RGS6: variants seen among roughly 807,000 people sequenced by gnomAD.
RGS6 encodes regulator of G protein signaling 6, also known as regulator of G-protein signaling 6.
A neutral mutation model predicts 78.5 loss-of-function variants in RGS6; 30 were observed. That is an observed-to-expected ratio of 0.38 (90% CI 0.29 to 0.52). RGS6 has a LOEUF of 0.52. RGS6 is among the 20% of genes least tolerant of loss of function. RGS6 has a pLI of 0.85. For synonymous variants in RGS6, 206 were observed against 206.0 expected (o/e 1.00, Z 0.00); for missense variants, 495 against 609.7 (o/e 0.81, Z 1.98).
At chr14:71,996,036 A>C (rs1391024098) in intron 2 of RGS6, among the ~76,000 whole-genome samples, 1 of 152,008 alleles carries the variant, frequency 6.6e-6, no homozygotes. Flanking sequence ...TCACCGGGGG[A>C]TCCCTCTAAT....
intron 1 of RGS6, among the ~76,000 whole-genome samples, chr14:71,933,857 TGA>T (rs1380480366): frequency 6.6e-6 from 1 of 151,580 alleles, no homozygotes; most frequent in Non-Finnish European, 1.5e-5. Context: ...CCAGGGAGGG[TGA>T]GAGATGGAAG....
chr14:72,223,766 C>T (rs1417650336), intron 2 of RGS6, among the ~76,000 whole-genome samples: 1 of 152,182 alleles, frequency 6.6e-6, no homozygotes, highest in Non-Finnish European at 1.5e-5. Flanking sequence ...AAGAAAGGTT[C>T]CATTCGGTCA....
intron 3 of RGS6, among the ~76,000 whole-genome samples, chr14:72,413,514 C>G (rs1479633629): frequency 6.6e-6 from 1 of 151,986 alleles, no homozygotes; most frequent in Non-Finnish European, 1.5e-5. Context: ...GGTCTTGACT[C>G]TATCCAATTT....
intron 17 of RGS6, chr14:72,552,779 C>T (rs2097525303): frequency 6.6e-6 from 1 of 152,244 alleles, no homozygotes; most frequent in Non-Finnish European, 1.5e-5. Flanking sequence ...GGCACTCCTA[C>T]TGCCTATAGT....
intron 2 of RGS6, among the ~76,000 whole-genome samples, chr14:72,014,219 T>C (rs2086475057): frequency 6.6e-6 from 1 of 152,176 alleles, no homozygotes; most frequent in Non-Finnish European, 1.5e-5. Flanking sequence ...TATTGGATAA[T>C]GTTGACAGTT....
chr14:72,132,685 C>A (rs1423228195), intron 2 of RGS6, among the ~76,000 whole-genome samples: 1 of 151,964 alleles, frequency 6.6e-6, no homozygotes, highest in Non-Finnish European at 1.5e-5. Context: ...GGAAATTCAG[C>A]CATTTTGAAG....
At chr14:71,997,600 G>T (rs1481683788) in intron 2 of RGS6, among the ~76,000 whole-genome samples, 1 of 152,186 alleles carries the variant, frequency 6.6e-6, no homozygotes, top group Non-Finnish European at 1.5e-5. Context: ...GAAGCCAGAA[G>T]GAGAGATGAG....
At chr14:72,268,552 T>G (rs1237013646) in intron 2 of RGS6, among the ~76,000 whole-genome samples, 1 of 152,216 alleles carries the variant, frequency 6.6e-6, no homozygotes, top group African/African-American at 2.4e-5. Flanking sequence ...CCTGCATGGA[T>G]GTGGTTAGCA....
chr14:72,098,939 G>A (rs2239263), intron 2 of RGS6, among the ~76,000 whole-genome samples: 38,123 of 152,030 alleles, frequency 0.25, 5,370 homozygotes, highest in Non-Finnish European at 0.33. Flanking sequence ...ACTTCTGTGC[G>A]GATTTCTTTC....
chr14:72,184,406 A>G (rs2097212293), intron 2 of RGS6, among the ~76,000 whole-genome samples: 1 of 151,714 alleles, frequency 6.6e-6, no homozygotes, highest in Non-Finnish European at 1.5e-5. Context: ...ACACACACAC[A>G]CACACAGAAA....
the RGS6 span, among the ~76,000 whole-genome samples, chr14:72,579,610 C>G: frequency 1.3e-5 from 2 of 152,108 alleles, no homozygotes; most frequent in African/African-American, 4.8e-5. Context: ...GTGAAAATGC[C>G]CAGCCCCTCT....
intron 3 of RGS6, among the ~76,000 whole-genome samples, chr14:72,389,787 G>T (rs576654627): frequency 6.6e-6 from 1 of 152,148 alleles, no homozygotes; most frequent in Non-Finnish European, 1.5e-5. Flanking sequence ...AAAAACTGTG[G>T]CTAGCTTATT....
At chr14:72,057,723 G>A (rs750039366) in intron 2 of RGS6, among the ~76,000 whole-genome samples, 18 of 152,032 alleles carry the variant, frequency 1.2e-4, no homozygotes, top group South Asian at 2.1e-4. Flanking sequence ...GGCCTTTTGC[G>A]CGTCATTTTG....
chr14:71,899,270 G>C, the RGS6 span, among the ~76,000 whole-genome samples: 4 of 152,226 alleles, frequency 2.6e-5, no homozygotes, highest in Non-Finnish European at 4.4e-5. Flanking sequence ...TTTGCCGCTT[G>C]CTGTGTAGCC....
chr14:72,371,034 C>T (rs2083414944), intron 3 of RGS6, among the ~76,000 whole-genome samples: 3 of 152,186 alleles, frequency 2.0e-5, no homozygotes, highest in African/African-American at 7.2e-5. Flanking sequence ...ATTTGTAGCA[C>T]AGCCAATACT....
chr14:72,149,257 C>T (rs969247414), intron 2 of RGS6, among the ~76,000 whole-genome samples: 2 of 152,194 alleles, frequency 1.3e-5, no homozygotes, highest in Admixed American at 1.3e-4. Context: ...CTTTCATGAC[C>T]TCGCCTCAGA....
At position 72,152,080 on chromosome 14, in the gene RGS6, GAT is replaced by G. The variant is rs201643829; in HGVS notation, c.84+187207_84+187208del. 8.0e-3 allele frequency among the ~76,000 whole-genome samples: 1,217 copies of G among 152,276 alleles called. 7 individuals carry two copies. The highest frequency in any genetic ancestry group is 0.013 in the Non-Finnish European group (873 of 68,014). On this transcript the variant is annotated intron_variant, in intron 2 of 17. Transcript: ENST00000553525. ...TTGATGGGGTTTTGTGAAAATAAAA[GAT>G]AACACAGGTAAAGTGACTGACACAT...
At chr14:71,970,912 T>A (rs1385076383) in intron 2 of RGS6, among the ~76,000 whole-genome samples, 7 of 152,226 alleles carry the variant, frequency 4.6e-5, no homozygotes, top group African/African-American at 1.4e-4. Context: ...CTGCTTCGAT[T>A]CTTGAAAGAT....
intron 2 of RGS6, among the ~76,000 whole-genome samples, chr14:72,091,414 A>G (rs10139390): frequency 0.87 from 132,287 of 152,024 alleles, 57,900 homozygotes; most frequent in Admixed American, 0.93. Context: ...ACAGGGGACC[A>G]GGACCAGATT....
Sources: gnomAD v4.1 joint callset for allele counts (sites outside exome capture counted in the v4.1 genomes callset) on GRCh38, gnomAD v4.1.1 for gene constraint, MANE v1.5 for transcripts, NCBI Gene and HGNC (gene_info 2026-07-23, HGNC 2026-07-21) for gene names.